YBEY: variants seen among roughly 807,000 people sequenced by gnomAD.
YBEY encodes the protein ybeY metalloendoribonuclease.
Under a neutral mutation model 13.5 loss-of-function variants are expected in YBEY, and 15 were observed. That is an observed-to-expected ratio of 1.11 (90% CI 0.75 to 1.72). The LOEUF (loss-of-function observed/expected upper bound fraction) is 1.72, where lower values mean the gene tolerates loss of function less well. YBEY is among the 40% of genes most tolerant of loss of function. The pLI is 0.00. For missense variants in YBEY, 244 were observed against 208.4 expected (o/e 1.17, Z -1.05); for synonymous variants, 101 against 83.1 (o/e 1.21, Z -1.17).
chr21:46,287,654 C>T (rs2081514125), intron 2 of YBEY, among the ~76,000 whole-genome samples: 1 of 152,110 alleles, frequency 6.6e-6, no homozygotes, highest in South Asian at 2.1e-4. Context: ...GATCGAGGCC[C>T]ATCACCCAGA....
At chr21:46,299,012 C>T (rs1167265552), downstream of YBEY, among the ~76,000 whole-genome samples, 1 of 151,170 alleles carries the variant, frequency 6.6e-6, no homozygotes, top group Non-Finnish European at 1.5e-5. Flanking sequence ...GTGAGCCACA[C>T]ACCGTGTCCG....
chr21:46,308,046 T>TC, the YBEY span, among the ~76,000 whole-genome samples: 1 of 151,690 alleles, frequency 6.6e-6, no homozygotes, highest in Admixed American at 6.6e-5. Context: ...CAGGCTGGAG[T>TC]ACAAAGGCAC....
downstream of YBEY, chr21:46,301,552 T>C (rs2082109075): frequency 1.0e-6 from 1 of 989,756 alleles, no homozygotes; most frequent in Non-Finnish European, 1.2e-6. Context: ...TCCATGTGGC[T>C]AAAGCTATTG....
At chr21:46,304,929 A>G in the YBEY span, among the ~76,000 whole-genome samples, 5 of 152,250 alleles carry the variant, frequency 3.3e-5, no homozygotes, top group Admixed American at 2.6e-4. Context: ...AGGACATCAC[A>G]CTAAGCGAAA....
downstream of YBEY, chr21:46,301,271 T>C: frequency 3.8e-6 from 1 of 263,132 alleles, no homozygotes; most frequent in Non-Finnish European, 5.9e-6. Context: ...CCCCCAGAGC[T>C]GCTGAGATAA....
the YBEY span, among the ~76,000 whole-genome samples, chr21:46,306,015 G>A: frequency 4.0e-5 from 6 of 150,498 alleles, no homozygotes; most frequent in African/African-American, 1.2e-4. Context: ...TGGGAGGATC[G>A]CTTGAGGCCA....
chr21:46,300,889 A>G, downstream of YBEY: 4 of 965,584 alleles, frequency 4.1e-6, no homozygotes, highest in East Asian at 6.2e-5. Context: ...CAAAAAAAAA[A>G]GTAACAAAAA....
chr21:46,302,789 C>T, the YBEY span, among the ~76,000 whole-genome samples: 1 of 63,530 alleles, frequency 1.6e-5, no homozygotes, highest in African/African-American at 6.5e-5. Context: ...GCGCCCTGAG[C>T]CCGTCTGCAC....
rs1159198968 is a variant in YBEY at position 46,292,554 on chromosome 21, ACG to A, written c.339+1094_339+1095del. Among the ~76,000 whole-genome samples the A allele has an allele frequency of 6.5e-4, 97 of 149,312 alleles. 14 individuals carry two copies. The highest frequency in any genetic ancestry group is 3.6e-3 in the Middle Eastern group (1 of 280). ...TGCCCGGGACTGAGTGGGGACAGCC[ACG>A]CAAGTTAAACTCTAGATTAAATTCC... is the stretch of plus-strand genomic sequence containing the variant. On this transcript the variant is annotated intron_variant, in intron 3 of 4. Transcript: ENST00000397701.
chr21:46,307,762 G>A, the YBEY span, among the ~76,000 whole-genome samples: 6 of 152,164 alleles, frequency 3.9e-5, no homozygotes, highest in African/African-American at 1.4e-4. Context: ...GAGGACAGCT[G>A]TCAGGTGATT....
chr21:46,286,623 C>G (rs557794206), intron 1 of YBEY: 8 of 250,238 alleles, frequency 3.2e-5, no homozygotes, highest in Admixed American at 1.1e-4. Flanking sequence ...GCGCGCACCC[C>G]CAACCCGCCC....
chr21:46,295,008 G>T (rs909397118), intron 3 of YBEY, among the ~76,000 whole-genome samples: 6 of 152,160 alleles, frequency 3.9e-5, no homozygotes, highest in Non-Finnish European at 7.4e-5. Context: ...ACACCCTGCT[G>T]GGGAAGAGGG....
chr21:46,310,803 C>T, the YBEY span, among the ~76,000 whole-genome samples: 3 of 148,470 alleles, frequency 2.0e-5, no homozygotes, highest in Non-Finnish European at 4.5e-5. Context: ...AAGTAAGACA[C>T]TCTCTCTCTC....
At chr21:46,304,282 G>A in the YBEY span, among the ~76,000 whole-genome samples, 2 of 151,812 alleles carry the variant, frequency 1.3e-5, no homozygotes, top group African/African-American at 2.4e-5. Context: ...TGCCCGCCTC[G>A]GCCTCCCAAA....
the YBEY span, among the ~76,000 whole-genome samples, chr21:46,309,461 CAA>C: frequency 3.8e-4 from 34 of 90,272 alleles, no homozygotes; most frequent in East Asian, 1.1e-3. Context: ...GACTCCGTCT[CAA>C]AAAAAAAAAA....
intron 2 of YBEY, 50 bp from the exon 3 acceptor site, chr21:46,291,284 G>A (rs1337574283): frequency 6.2e-7 from 1 of 1,610,020 alleles, no homozygotes; most frequent in Non-Finnish European, 8.5e-7. Flanking sequence ...GTCAACCTGT[G>A]GTTGGGTTAC....
At chr21:46,292,459 A>C in intron 3 of YBEY, among the ~76,000 whole-genome samples, 1 of 152,220 alleles carries the variant, frequency 6.6e-6, no homozygotes, top group African/African-American at 2.4e-5. Context: ...CGTTTTAGGG[A>C]GGGATGATTA....
chr21:46,302,644 C>A, downstream of YBEY: 2 of 1,233,556 alleles, frequency 1.6e-6, no homozygotes, highest in South Asian at 1.3e-5. Context: ...AGTGATAGAG[C>A]ATTATAGGAC....
downstream of YBEY, chr21:46,301,540 C>A: frequency 1.0e-6 from 1 of 987,704 alleles, no homozygotes; most frequent in Non-Finnish European, 1.2e-6. Context: ...GATGTTCACA[C>A]TTCCATGTGG....
Sources: gnomAD v4.1 joint callset for allele counts (sites outside exome capture counted in the v4.1 genomes callset) on GRCh38, gnomAD v4.1.1 for gene constraint, MANE v1.5 for transcripts, NCBI Gene and HGNC (gene_info 2026-07-23, HGNC 2026-07-21) for gene names.